Variants in DACH2 observed in about 807,000 individuals in gnomAD.
The protein encoded by DACH2 is dachshund homolog 2.
DACH2 carries 17 observed loss-of-function variants against 35.8 expected under a neutral mutation model. That is an observed-to-expected ratio of 0.48 (90% CI 0.33 to 0.71). The LOEUF (loss-of-function observed/expected upper bound fraction) is 0.71, where lower values mean the gene tolerates loss of function less well. DACH2 is among the 30% of genes least tolerant of loss of function. DACH2 has a pLI of 0.02. For synonymous variants in DACH2, 195 were observed against 177.3 expected (o/e 1.10, Z -0.79); for missense variants, 469 against 472.7 (o/e 0.99, Z 0.07).
In DACH2 at chrX:86,629,534, A is replaced by G. The variant is rs1454974421; in HGVS notation, c.641-21502A>G. The stretch of plus-strand genomic sequence containing the variant: ...TCTATTCAGTGGTACCAGAAAGACA[A>G]TTAATAATTCTCTTAATTATAATGT... On this transcript the variant is annotated intron_variant, in intron 3 of 11. Transcript: ENST00000373125. 4.5e-5 allele frequency among the ~76,000 whole-genome samples: 5 copies of G among 111,427 alleles called. No homozygotes were observed. In the Admixed American group the frequency reaches 4.8e-4, roughly 11 times the overall value.
At chrX:86,456,184 G>A (rs1046254174) in intron 2 of DACH2, among the ~76,000 whole-genome samples, 19 of 112,063 alleles carry the variant, frequency 1.7e-4, no homozygotes, top group South Asian at 1.5e-3. Flanking sequence ...TTCAGTGTGA[G>A]AACCTGGATA....
At chrX:86,476,364 C>A (rs1265645840) in intron 2 of DACH2, among the ~76,000 whole-genome samples, 1 of 111,354 alleles carries the variant, frequency 9.0e-6, no homozygotes, top group Admixed American at 9.6e-5. Flanking sequence ...TTTTTTATTT[C>A]TTCCTGGTTT....
At chrX:86,188,106 A>C (rs1378491143) in intron 1 of DACH2, among the ~76,000 whole-genome samples, 1 of 112,063 alleles carries the variant, frequency 8.9e-6, no homozygotes, top group African/African-American at 3.2e-5. Context: ...GTGGTCTGAC[A>C]TATCTGTACA....
intron 6 of DACH2, among the ~76,000 whole-genome samples, chrX:86,728,160 T>C (rs892881529): frequency 2.7e-5 from 3 of 112,105 alleles, no homozygotes; most frequent in Non-Finnish European, 5.6e-5. Context: ...AAAGTTCACA[T>C]GTGTTATACC....
chrX:86,228,911 G>T (rs989019370), intron 1 of DACH2, among the ~76,000 whole-genome samples: 6 of 111,210 alleles, frequency 5.4e-5, no homozygotes, highest in Admixed American at 4.8e-4. Flanking sequence ...CCTATTCTGT[G>T]GGTTGTCTGT....
intron 1 of DACH2, among the ~76,000 whole-genome samples, chrX:86,294,795 C>A (rs1028124762): frequency 9.2e-6 from 1 of 108,771 alleles, no homozygotes; most frequent in African/African-American, 3.4e-5. Flanking sequence ...TCTCCAGCTG[C>A]GTGCTGGGAG....
At chrX:86,206,099 C>A (rs1345812425) in intron 1 of DACH2, among the ~76,000 whole-genome samples, 2 of 111,434 alleles carry the variant, frequency 1.8e-5, no homozygotes, top group African/African-American at 3.3e-5. Context: ...AGAGCTAGTG[C>A]AATCTGCATT....
intron 1 of DACH2, among the ~76,000 whole-genome samples, chrX:86,230,608 T>C (rs1183070597): frequency 9.0e-6 from 1 of 111,564 alleles, no homozygotes; most frequent in Non-Finnish European, 1.9e-5. Context: ...TGTGAACCTG[T>C]CTGGTCCTGG....
chrX:86,321,368 C>A (rs1425098817), intron 1 of DACH2, among the ~76,000 whole-genome samples: 2 of 111,948 alleles, frequency 1.8e-5, no homozygotes, highest in Non-Finnish European at 3.8e-5. Context: ...CTTTTCTTTA[C>A]TGAATTGGGA....
intron 3 of DACH2, among the ~76,000 whole-genome samples, chrX:86,625,905 T>A (rs951335473): frequency 9.0e-6 from 1 of 110,983 alleles, no homozygotes; most frequent in African/African-American, 3.3e-5. Flanking sequence ...CAAGATGGGA[T>A]TTCAGTGGGG....
At chrX:86,827,289 C>T (rs939917260) in intron 11 of DACH2, among the ~76,000 whole-genome samples, 2 of 111,755 alleles carry the variant, frequency 1.8e-5, no homozygotes, top group African/African-American at 6.5e-5. Context: ...TCACAAAAAA[C>T]AGGATAGGCC....
At chrX:86,297,320 C>T (rs990297179) in intron 1 of DACH2, among the ~76,000 whole-genome samples, 3 of 110,996 alleles carry the variant, frequency 2.7e-5, no homozygotes, top group Admixed American at 9.6e-5. Context: ...TCCATGACTA[C>T]ACAGTGATAG....
intron 1 of DACH2, among the ~76,000 whole-genome samples, chrX:86,329,643 G>A (rs1215131396): frequency 9.0e-6 from 1 of 111,317 alleles, no homozygotes; most frequent in African/African-American, 3.3e-5. Flanking sequence ...TGGTTCAGTA[G>A]GGGTTGTGTA....
intron 4 of DACH2, among the ~76,000 whole-genome samples, chrX:86,688,108 A>C (rs766046476): frequency 2.7e-5 from 3 of 111,958 alleles, no homozygotes; most frequent in East Asian, 5.6e-4. Flanking sequence ...AAGTTGGTCC[A>C]TCCATCACAC....
intron 3 of DACH2, among the ~76,000 whole-genome samples, chrX:86,537,646 C>A (rs950201325): frequency 8.9e-6 from 1 of 111,762 alleles, no homozygotes; most frequent in Non-Finnish European, 1.9e-5. Flanking sequence ...CACACAGCAA[C>A]CTGAATTCTT....
chrX:86,657,187 T>G (rs2040553283), intron 4 of DACH2, among the ~76,000 whole-genome samples: 1 of 109,308 alleles, frequency 9.1e-6, no homozygotes, highest in Admixed American at 9.9e-5. Flanking sequence ...ACAACAGGGA[T>G]ACTATAGTCA....
In DACH2 at chrX:86,148,668, C is replaced by T. The variant is rs1345696463; in HGVS notation, c.48C>T (p.Ala16=). ...TGATCTCTGCAACTTCCAGCGGCGC[C>T]GGCGTCCCGGGGGGCTTATTCCGGG... ...SPVISATSSG[A]GVPGGLFRAE... Residue 16 remains alanine, a synonymous_variant, in exon 1 of 12, where the codon GCC becomes GCT. Coordinates refer to ENST00000373125, the MANE Select transcript of DACH2 (RefSeq NM_053281.3). The T allele has an allele frequency of 1.7e-6, 2 of 1,198,930 alleles. No homozygotes were observed. Among genetic ancestry groups the T allele is most frequent in the Non-Finnish European group, 2.2e-6 (2 of 888,971 alleles).
At chrX:86,160,771 G>A in intron 1 of DACH2, 1 of 466,896 alleles carries the variant, frequency 2.1e-6, no homozygotes, top group East Asian at 3.6e-5. Flanking sequence ...GCTTCCTGGT[G>A]CATTTCAACA....
intron 1 of DACH2, among the ~76,000 whole-genome samples, chrX:86,270,014 A>C (rs889150341): frequency 3.9e-5 from 4 of 101,373 alleles, no homozygotes; most frequent in Non-Finnish European, 7.9e-5. Flanking sequence ...TTAATTATAT[A>C]TATATATATT....
Sources: allele counts gnomAD v4.1 joint callset (sites outside exome capture counted in the v4.1 genomes callset), GRCh38; gene constraint gnomAD v4.1.1; transcripts MANE v1.5; gene names NCBI Gene and HGNC (gene_info 2026-07-23, HGNC 2026-07-21).